The following GAB1 variants were observed in gnomAD, a reference collection of about 807,000 sequenced individuals.
The protein encoded by GAB1 is GRB2-associated-binding protein 1.
A neutral mutation model predicts 66.5 loss-of-function variants in GAB1; 19 were observed. The observed-to-expected ratio is 0.29, with a 90% confidence interval of 0.20 to 0.42. GAB1 has a LOEUF of 0.42. GAB1 is among the 10% of genes least tolerant of loss of function. The probability of loss-of-function intolerance (pLI) is 1.00; values close to 1 mark genes in which losing one functional copy is unlikely to be tolerated. For synonymous variants in GAB1, 294 were observed against 301.4 expected (o/e 0.98, Z 0.25); for missense variants, 732 against 858.5 (o/e 0.85, Z 1.84).
intron 1 of GAB1, chr4:143,391,669 A>G (rs968137978): frequency 1.3e-5 from 2 of 152,256 alleles, no homozygotes; most frequent in Non-Finnish European, 1.5e-5. Context: ...TTTAAAAGAT[A>G]AACTTTGTCC....
intron 2 of GAB1, among the ~76,000 whole-genome samples, chr4:143,418,982 T>G (rs1020567435): frequency 6.6e-6 from 1 of 151,990 alleles, no homozygotes; most frequent in Non-Finnish European, 1.5e-5. Flanking sequence ...TTTTAGAAAA[T>G]TGATTGATTA....
At chr4:143,396,714 A>G (rs713140) in intron 1 of GAB1, among the ~76,000 whole-genome samples, 50,121 of 152,148 alleles carry the variant, frequency 0.33, 8,613 homozygotes, top group South Asian at 0.49. Flanking sequence ...GCATACTTTA[A>G]TGAATGGACT....
chr4:143,432,852 G>A (rs1733730391), intron 2 of GAB1, among the ~76,000 whole-genome samples: 1 of 152,104 alleles, frequency 6.6e-6, no homozygotes, highest in Admixed American at 6.5e-5. Flanking sequence ...TTTACTTGCT[G>A]GACCTCTTTC....
intron 1 of GAB1, among the ~76,000 whole-genome samples, chr4:143,388,836 G>T (rs1361267846): frequency 6.6e-6 from 1 of 152,192 alleles, no homozygotes; most frequent in African/African-American, 2.4e-5. Context: ...CAGACCTGAA[G>T]CAGTATTTAA....
chr4:143,369,887 C>T (rs1325287937), intron 1 of GAB1, among the ~76,000 whole-genome samples: 1 of 152,172 alleles, frequency 6.6e-6, no homozygotes, highest in African/African-American at 2.4e-5. Context: ...AAGCAAAAGG[C>T]CTAGTGTTAT....
chr4:143,388,476 G>A (rs1275320885), intron 1 of GAB1, among the ~76,000 whole-genome samples: 2 of 152,222 alleles, frequency 1.3e-5, no homozygotes, highest in African/African-American at 4.8e-5. Flanking sequence ...GAGCAGTAGA[G>A]CGATCTCGGC....
At chr4:143,414,826 AT>A (rs1394723101) in intron 1 of GAB1, among the ~76,000 whole-genome samples, 1 of 152,154 alleles carries the variant, frequency 6.6e-6, no homozygotes, top group African/African-American at 2.4e-5. Flanking sequence ...AAAATTTATC[AT>A]TTTAGCTATT....
intron 1 of GAB1, among the ~76,000 whole-genome samples, chr4:143,356,547 T>C (rs1478297439): frequency 1.3e-5 from 2 of 152,162 alleles, no homozygotes; most frequent in African/African-American, 2.4e-5. Context: ...TTAAATACAG[T>C]ATGCATTTGA....
At position 143,450,069 on chromosome 4, in the gene GAB1, G is replaced by A. The variant is rs573216769; in HGVS notation, c.1586-9316G>A. Among the ~76,000 whole-genome samples, 12 of 152,166 alleles carry A rather than the reference G, an allele frequency of 7.9e-5. No individual in the cohort carries two copies. The South Asian group carries it at 2.3e-3, about 29-fold the overall frequency. On this transcript the variant is annotated intron_variant, in intron 6 of 9. Transcript: ENST00000262994. ...TATTAAAGTTTAAATCTTAAGTCAA[G>A]CTTTGCGTTAGATTTGTTACCGTTT...
At chr4:143,459,539 A>G (rs547518277) in intron 7 of GAB1, 61 bp downstream of exon 7, 1 of 953,382 alleles carries the variant, frequency 1.0e-6, no homozygotes, top group South Asian at 1.3e-5. Flanking sequence ...AGAATTGTTC[A>G]TTATCATGGA....
intron 1 of GAB1, among the ~76,000 whole-genome samples, chr4:143,397,449 G>C (rs551804917): frequency 2.6e-5 from 4 of 152,250 alleles, no homozygotes; most frequent in Admixed American, 2.0e-4. Context: ...CTACAAATCA[G>C]ATGTACAGAT....
At chr4:143,373,044 AACACACACACAC>A (rs36205621) in intron 1 of GAB1, among the ~76,000 whole-genome samples, 5 of 148,152 alleles carry the variant, frequency 3.4e-5, no homozygotes, top group East Asian at 2.0e-4. Flanking sequence ...TTCCTTTAAA[AACACACACACAC>A]ACACACACAC....
intron 1 of GAB1, among the ~76,000 whole-genome samples, chr4:143,415,253 G>A (rs1299777856): frequency 6.6e-6 from 1 of 152,012 alleles, no homozygotes; most frequent in Non-Finnish European, 1.5e-5. Flanking sequence ...AGATTTAATC[G>A]AACATACTGA....
Position 143,470,940 on chromosome 4 carries a change from A to T in GAB1, c.*1751A>T, listed in dbSNP as rs910887357. The T allele has an allele frequency of 6.6e-6, 1 of 152,230 alleles. No individual in the cohort carries two copies. The highest frequency in any genetic ancestry group is 1.5e-5 in the Non-Finnish European group (1 of 68,032). 9.4% of individuals were successfully genotyped at this position (152,230 alleles called of 1,614,324 possible). A position where few individuals can be genotyped will look rare whatever the true frequency, so the allele number is the denominator to read the frequency against. On this transcript the variant is annotated 3_prime_UTR_variant, in exon 10 of 10. Transcript: ENST00000262994. ...AACAAAAACTAAAACCCAGAAGTGA[A>T]TTTTTAGGTGGATTTTTAAATAAAA...
chr4:143,400,025 G>A (rs1230203321), intron 1 of GAB1, among the ~76,000 whole-genome samples: 11 of 149,460 alleles, frequency 7.4e-5, no homozygotes, highest in African/African-American at 2.7e-4. Context: ...TGCAACCTCC[G>A]TCTCCTGGGT....
intron 3 of GAB1, among the ~76,000 whole-genome samples, chr4:143,436,983 A>G (rs1733972116): frequency 6.6e-6 from 1 of 152,166 alleles, no homozygotes. Context: ...CCAGTAAGTG[A>G]AACAAGGAAA....
At chr4:143,460,277 T>C in intron 7 of GAB1, 87 bp from the exon 8 acceptor site, 1 of 1,261,812 alleles carries the variant, frequency 7.9e-7, no homozygotes, top group Non-Finnish European at 1.2e-6. Context: ...TCTGAAAGAA[T>C]GCAGACTGTC....
Position 143,433,698 on chromosome 4 carries a change from A to G in GAB1, c.575A>G (p.Lys192Arg). ...DYLLLINCQS[K>R]KPEPTRTHAD... ...CTGTTGCTCATCAACTGTCAAAGCA[A>G]GAAGCCCGAACCCACCAGGTAAATT... The change falls in exon 3 of 10, where the codon AAG (lysine) becomes AGG (arginine). Residue 192 changes from lysine to arginine, a missense_variant. By Grantham distance (26) the Lys-to-Arg change is conservative (BLOSUM62 2). Transcript: ENST00000262994. 2 of 1,613,888 alleles carry G rather than the reference A, an allele frequency of 1.2e-6. No homozygotes were observed. The highest frequency in any genetic ancestry group is 1.1e-5 in the South Asian group (1 of 91,084).
chr4:143,411,910 C>G (rs1375346925), intron 1 of GAB1, among the ~76,000 whole-genome samples: 2 of 152,170 alleles, frequency 1.3e-5, no homozygotes, highest in Non-Finnish European at 2.9e-5. Context: ...GTGACTGAGA[C>G]AAACATTCAC....
Sources: gnomAD v4.1 joint callset for allele counts (sites outside exome capture counted in the v4.1 genomes callset) on GRCh38, gnomAD v4.1.1 for gene constraint, MANE v1.5 for transcripts, NCBI Gene and HGNC (gene_info 2026-07-23, HGNC 2026-07-21) for gene names.